Variants in THSD4 observed in about 807,000 individuals in gnomAD.
THSD4 encodes the protein thrombospondin type 1 domain containing 4.
A neutral mutation model predicts 119.0 loss-of-function variants in THSD4; 69 were observed. That is an observed-to-expected ratio of 0.58 (90% CI 0.48 to 0.71). The LOEUF is 0.71. Among genes scored for constraint, THSD4 ranks in the 30% least tolerant of loss-of-function variants. The pLI, the probability that THSD4 is intolerant of heterozygous loss-of-function variation, is 0.00. For missense variants in THSD4, 1,393 were observed against 1,391.1 expected, an observed-to-expected ratio of 1.00 and a Z score of -0.02; for synonymous variants, 524 against 540.4, an observed-to-expected ratio of 0.97 and a Z score of 0.42.
At chr15:71,226,183 C>G (rs942288690) in intron 4 of THSD4, among the ~76,000 whole-genome samples, 12 of 152,100 alleles carry the variant, frequency 7.9e-5, no homozygotes, top group Non-Finnish European at 8.8e-5. Flanking sequence ...ACCACACAAG[C>G]CTGTTGTGAG....
intron 7 of THSD4, among the ~76,000 whole-genome samples, chr15:71,566,945 GT>G (rs1375187022): frequency 2.0e-5 from 3 of 151,994 alleles, no homozygotes; most frequent in Non-Finnish European, 2.9e-5. Context: ...AGGTGTGGAA[GT>G]TTATGCCAAG....
chr15:71,744,147 CTTTTTTTTTT>C (rs56158827), intron 11 of THSD4, among the ~76,000 whole-genome samples: 3 of 102,764 alleles, frequency 2.9e-5, no homozygotes, highest in East Asian at 5.9e-4. Flanking sequence ...ATTGAATCAG[CTTTTTTTTTT>C]TTTTTTTTTT....
At chr15:71,443,349 C>G (rs2047135358) in intron 7 of THSD4, among the ~76,000 whole-genome samples, 1 of 152,148 alleles carries the variant, frequency 6.6e-6, no homozygotes, top group Non-Finnish European at 1.5e-5. Context: ...AAAGGTGAAG[C>G]TATCCTTTCT....
intron 6 of THSD4, among the ~76,000 whole-genome samples, chr15:71,327,185 C>A (rs1306200450): frequency 6.6e-6 from 1 of 151,974 alleles, no homozygotes; most frequent in Non-Finnish European, 1.5e-5. Flanking sequence ...AACAAAAAAC[C>A]AGCTCAAACA....
At chr15:71,363,535 C>T (rs2045920960) in intron 6 of THSD4, among the ~76,000 whole-genome samples, 1 of 152,152 alleles carries the variant, frequency 6.6e-6, no homozygotes, top group South Asian at 2.1e-4. Flanking sequence ...CTGATAGTGT[C>T]TCAGGCAGCA....
chr15:71,665,627 T>G (rs111395738), intron 8 of THSD4, among the ~76,000 whole-genome samples: 2,234 of 152,306 alleles, frequency 0.015, 57 homozygotes, highest in African/African-American at 0.051. Context: ...TTTATAGTTT[T>G]GGGTTTTACA....
At chr15:71,228,100 C>T (rs1596279727) in intron 4 of THSD4, among the ~76,000 whole-genome samples, 1 of 152,100 alleles carries the variant, frequency 6.6e-6, no homozygotes. Context: ...GAAAAAGGGT[C>T]TTTTCAGATG....
chr15:71,421,346 A>ACAC (rs879835009), intron 7 of THSD4, among the ~76,000 whole-genome samples: 24,673 of 82,686 alleles, frequency 0.3, 4,370 homozygotes, highest in Admixed American at 0.38. Flanking sequence ...TTCTTGTAGG[A>ACAC]TAGGGCTTGT....
intron 3 of THSD4, among the ~76,000 whole-genome samples, chr15:71,162,735 C>T (rs2141391676): frequency 6.6e-6 from 1 of 152,152 alleles, no homozygotes; most frequent in South Asian, 2.1e-4. Context: ...TTCTCCATTT[C>T]TTCTCCTTCT....
intron 7 of THSD4, among the ~76,000 whole-genome samples, chr15:71,423,432 C>A (rs2046833234): frequency 6.6e-6 from 1 of 152,168 alleles, no homozygotes; most frequent in South Asian, 2.1e-4. Context: ...AGGACTGGGT[C>A]CTTCCCTTCA....
chr15:71,629,119 A>G (rs937771130), intron 7 of THSD4, among the ~76,000 whole-genome samples: 3 of 152,122 alleles, frequency 2.0e-5, no homozygotes, highest in East Asian at 3.9e-4. Context: ...TCTACATCCA[A>G]TCTGTCACCG....
intron 8 of THSD4, among the ~76,000 whole-genome samples, chr15:71,688,356 A>G (rs531011238): frequency 6.6e-6 from 1 of 152,218 alleles, no homozygotes; most frequent in Non-Finnish European, 1.5e-5. Context: ...CACCCTAAAC[A>G]TGAGTGCATT....
chr15:71,235,595 T>C (rs887045555), intron 4 of THSD4, among the ~76,000 whole-genome samples: 22 of 150,226 alleles, frequency 1.5e-4, no homozygotes, highest in Admixed American at 2.0e-4. Context: ...TTTTTTTTTT[T>C]TTTTTTTTTT....
At chr15:71,553,306 C>A (rs2048960533) in intron 7 of THSD4, among the ~76,000 whole-genome samples, 1 of 150,216 alleles carries the variant, frequency 6.7e-6, no homozygotes, top group Admixed American at 6.7e-5. Flanking sequence ...TGAATGTGAA[C>A]GTTCCTGTCT....
At chr15:71,571,592 A>C (rs2049359321) in intron 7 of THSD4, among the ~76,000 whole-genome samples, 1 of 152,178 alleles carries the variant, frequency 6.6e-6, no homozygotes, top group South Asian at 2.1e-4. Context: ...AAATGCCTGT[A>C]TTTAGCCCCT....
chr15:71,592,568 C>A (rs935713714), intron 7 of THSD4, among the ~76,000 whole-genome samples: 2 of 151,938 alleles, frequency 1.3e-5, no homozygotes, highest in Admixed American at 1.3e-4. Flanking sequence ...CTGTTCTATA[C>A]GTGGTGATCG....
chr15:71,605,555 G>C (rs1367434369), intron 7 of THSD4, among the ~76,000 whole-genome samples: 1 of 152,244 alleles, frequency 6.6e-6, no homozygotes, highest in East Asian at 1.9e-4. Flanking sequence ...TGGCAGCAGT[G>C]GCAGTGGTGG....
At position 71,287,691 on chromosome 15, in the gene THSD4, ATGAACCCC is replaced by A. The variant is rs527813520; in HGVS notation, c.1015+30977_1015+30984del. Among the ~76,000 whole-genome samples the A allele has an allele frequency of 5.8e-4, 88 of 152,320 alleles. 1 individual carries two copies. In the South Asian group the frequency reaches 6.6e-3, roughly 11 times the overall value. ...CGTCTTGCACAGTTTTGAAACTAGG[ATGAACCCC>A]CTGCCACCCAGGAGTCCAGGACCAC... On this transcript the variant is annotated intron_variant, in intron 6 of 17. Coordinates refer to ENST00000261862, the MANE Select transcript of THSD4 (RefSeq NM_024817.3).
intron 6 of THSD4, among the ~76,000 whole-genome samples, chr15:71,352,348 G>T (rs755591220): frequency 1.1e-4 from 16 of 152,180 alleles, no homozygotes; most frequent in Non-Finnish European, 2.4e-4. Context: ...TTTATCCAAA[G>T]CCCTGACGGT....
Sources: allele counts gnomAD v4.1 joint callset (sites outside exome capture counted in the v4.1 genomes callset), GRCh38; gene constraint gnomAD v4.1.1; transcripts MANE v1.5; gene names NCBI Gene and HGNC (gene_info 2026-07-23, HGNC 2026-07-21).